The following SLC12A6 variants were observed in gnomAD, a reference collection of about 807,000 sequenced individuals.
SLC12A6 encodes K-Cl cotransporter 3.
SLC12A6 carries 66 observed loss-of-function variants against 135.3 expected under a neutral mutation model. That is an observed-to-expected ratio of 0.49 (90% CI 0.40 to 0.60). The LOEUF (loss-of-function observed/expected upper bound fraction) is 0.60. SLC12A6 is among the 20% of genes least tolerant of loss of function. The probability of loss-of-function intolerance (pLI) is 0.00; values close to 1 mark genes in which losing one functional copy is unlikely to be tolerated. For synonymous variants in SLC12A6, 513 were observed against 508.8 expected (o/e 1.01, Z -0.11); for missense variants, 1,058 against 1,452.3 (o/e 0.73, Z 4.41).
At chr15:34,276,791 T>C (rs1432472911) in intron 2 of SLC12A6, among the ~76,000 whole-genome samples, 3 of 152,348 alleles carry the variant, frequency 2.0e-5, no homozygotes, top group South Asian at 2.1e-4. Flanking sequence ...ATTATTGTTT[T>C]AGACAAAATC....
rs80024084 is a variant in SLC12A6 at position 34,326,019 on chromosome 15, T to C, written c.271+10391A>G. Among the ~76,000 whole-genome samples the C allele has an allele frequency of 1.2e-3, 183 of 152,166 alleles. 3 individuals carry two copies. The East Asian group carries it at 0.027, about 23-fold the overall frequency. ...GTCTTCACTAGAGGAAAGAATAGAG[T>C]AGGATAGTTGATGGCTAGCTAATTT... On this transcript the variant is annotated intron_variant, in intron 2 of 25. Transcript: ENST00000354181.
In SLC12A6 at chr15:34,232,975, C is replaced by CG. The variant is rs1891038928; in HGVS notation, c.*905dup. 2 of 52,058 alleles carry CG rather than the reference C, an allele frequency of 3.8e-5. No individual in the cohort carries two copies. The highest frequency in any genetic ancestry group is 7.6e-5 in the Non-Finnish European group (2 of 26,270). 3.2% of individuals were successfully genotyped at this position (52,058 alleles called of 1,614,324 possible). A position where few individuals can be genotyped will look rare whatever the true frequency, so the allele number is the denominator to read the frequency against. Reference sequence around the variant, plus strand: ...ATAAAAAAAGGCGCGGGGGTGGGGGCGGGGGGAGAAGAACCTGTTGATTAA... The same window carrying CG: ...ATAAAAAAAGGCGCGGGGGTGGGGGCGGGGGGGAGAAGAACCTGTTGATTAA... On this transcript the variant is annotated 3_prime_UTR_variant, in exon 26 of 26. Coordinates refer to ENST00000354181, the MANE Select transcript of SLC12A6 (RefSeq NM_001365088.1).
intron 2 of SLC12A6, among the ~76,000 whole-genome samples, chr15:34,296,579 A>C (rs1291580775): frequency 6.6e-6 from 1 of 152,252 alleles, no homozygotes; most frequent in African/African-American, 2.4e-5. Flanking sequence ...TCTAAGGCAC[A>C]AGATCACAAC....
rs769513904 is a variant in SLC12A6, at chr15:34,301,030, G to A, written c.272-25641C>T. On this transcript the variant is annotated intron_variant, in intron 2 of 25. Coordinates refer to ENST00000354181, the MANE Select transcript of SLC12A6 (RefSeq NM_001365088.1). ...GTTGTCCAGGCTGGAGTGCAATGGC[G>A]CGATCTCGGCTCACTGCAACCTCCG... 8.4e-4 allele frequency among the ~76,000 whole-genome samples: 127 copies of A among 151,692 alleles called. 1 individual carries two copies. Among genetic ancestry groups the A allele is most frequent in the Non-Finnish European group, 5.7e-4 (39 of 67,920 alleles).
intron 2 of SLC12A6, among the ~76,000 whole-genome samples, chr15:34,322,239 G>A (rs756049417): frequency 6.6e-6 from 1 of 152,126 alleles, no homozygotes; most frequent in Non-Finnish European, 1.5e-5. Context: ...AAATTAGCTG[G>A]GCGTGGTGAC....
At chr15:34,294,008 T>G (rs949435583) in intron 2 of SLC12A6, among the ~76,000 whole-genome samples, 12 of 152,356 alleles carry the variant, frequency 7.9e-5, no homozygotes, top group Admixed American at 3.3e-4. Context: ...AACTTGCAAA[T>G]GTATATTAAT....
At chr15:34,239,913 T>C (rs1891527689) in intron 19 of SLC12A6, among the ~76,000 whole-genome samples, 1 of 152,220 alleles carries the variant, frequency 6.6e-6, no homozygotes, top group South Asian at 2.1e-4. Context: ...ATTTCTAGTG[T>C]TTAGGATTTC....
intron 2 of SLC12A6, among the ~76,000 whole-genome samples, chr15:34,325,295 T>C (rs190351148): frequency 7.3e-4 from 111 of 152,304 alleles, no homozygotes; most frequent in African/African-American, 2.6e-3. Context: ...AGACAGGAAA[T>C]ATTAGTGAAA....
At chr15:34,318,851 T>C in intron 2 of SLC12A6, 1 of 1,469,050 alleles carries the variant, frequency 6.8e-7, no homozygotes, top group South Asian at 1.3e-5. Context: ...CCTGAGGGAG[T>C]GGGGCGCTTG....
rs1302861697 is a variant in SLC12A6 at position 34,314,100 on chromosome 15, T to C, written c.271+22310A>G. On this transcript the variant is annotated intron_variant, in intron 2 of 25. Coordinates refer to ENST00000354181, the MANE Select transcript of SLC12A6 (RefSeq NM_001365088.1). ...TCTTGCTCTGTTGCTTAGGCTGGAG[T>C]GCAGTGGCCCGATCTCAGCTCACTG... 2.7e-5 allele frequency among the ~76,000 whole-genome samples: 4 copies of C among 149,952 alleles called. No homozygotes were observed. The South Asian group carries it at 8.4e-4, about 31-fold the overall frequency.
At chr15:34,236,293 T>C (rs1392395999) in intron 23 of SLC12A6, 94 bp from the exon 24 acceptor site, 25 of 880,236 alleles carry the variant, frequency 2.8e-5, no homozygotes, top group Non-Finnish European at 4.7e-5. Flanking sequence ...TATAGTGGAA[T>C]AACTGACAGA....
intron 25 of SLC12A6, 56 bp downstream of exon 25, chr15:34,235,125 C>T: frequency 6.6e-7 from 1 of 1,508,694 alleles, no homozygotes; most frequent in Non-Finnish European, 9.2e-7. Context: ...CTAGTTATCT[C>T]AGAAAGAGGT....
chr15:34,286,172 C>G (rs974791796), intron 2 of SLC12A6, among the ~76,000 whole-genome samples: 7 of 151,876 alleles, frequency 4.6e-5, no homozygotes, highest in African/African-American at 1.5e-4. Flanking sequence ...CTCCCGGGTT[C>G]AAGCAATTCT....
chr15:34,292,006 C>T (rs1211433371), intron 2 of SLC12A6, among the ~76,000 whole-genome samples: 1 of 152,138 alleles, frequency 6.6e-6, no homozygotes, highest in Non-Finnish European at 1.5e-5. Context: ...AACTCATTCT[C>T]CATCCAGTTT....
intron 2 of SLC12A6, among the ~76,000 whole-genome samples, chr15:34,320,076 C>T (rs1170523302): frequency 6.6e-6 from 1 of 152,148 alleles, no homozygotes; most frequent in Non-Finnish European, 1.5e-5. Context: ...TGTGTAATGT[C>T]CATATTGATG....
At chr15:34,243,297 A>G (rs1420082227) in intron 16 of SLC12A6, among the ~76,000 whole-genome samples, 2 of 152,238 alleles carry the variant, frequency 1.3e-5, no homozygotes, top group Admixed American at 1.3e-4. Context: ...ATCACTGCCC[A>G]CCATTGGTAA....
chr15:34,264,435 T>C (rs1431777520), intron 3 of SLC12A6, among the ~76,000 whole-genome samples: 1 of 152,236 alleles, frequency 6.6e-6, no homozygotes, highest in African/African-American at 2.4e-5. Context: ...ATGTTAAACA[T>C]TAGAAGGATC....
At chr15:34,255,807 TA>T (rs1310494471) in intron 7 of SLC12A6, among the ~76,000 whole-genome samples, 3 of 148,316 alleles carry the variant, frequency 2.0e-5, no homozygotes, top group African/African-American at 7.4e-5. Flanking sequence ...GTCACCTCTG[TA>T]AAAAAAAAAA....
At chr15:34,317,465 A>G (rs1888729618) in intron 2 of SLC12A6, among the ~76,000 whole-genome samples, 1 of 152,190 alleles carries the variant, frequency 6.6e-6, no homozygotes, top group Non-Finnish European at 1.5e-5. Context: ...GCACTTTGGG[A>G]GGCAGAAGCG....
Sources: gnomAD v4.1 joint callset for allele counts (sites outside exome capture counted in the v4.1 genomes callset) on GRCh38, gnomAD v4.1.1 for gene constraint, MANE v1.5 for transcripts, NCBI Gene and HGNC (gene_info 2026-07-23, HGNC 2026-07-21) for gene names.